GLIS3: variants seen among roughly 807,000 people sequenced by gnomAD.
GLIS3 encodes the protein GLIS family zinc finger 3, also known as zinc finger protein GLIS3.
A neutral mutation model predicts 78.6 loss-of-function variants in GLIS3; 53 were observed. The ratio of observed to expected loss-of-function variants is 0.67; its 90% CI spans 0.54 to 0.85. GLIS3 has a LOEUF of 0.85. Ranked by LOEUF, GLIS3 falls within the 40% of genes least tolerant of loss-of-function variation. The pLI is 0.00. For synonymous variants in GLIS3, 684 were observed against 509.9 expected, an observed-to-expected ratio of 1.34 and a Z score of -4.60; for missense variants, 1,703 against 1,231.1, an observed-to-expected ratio of 1.38 and a Z score of -5.74.
intron 7 of GLIS3, among the ~76,000 whole-genome samples, chr9:3,891,081 AG>A (rs67822391): frequency 0.16 from 21,860 of 139,936 alleles, 1,862 homozygotes; most frequent in Non-Finnish European, 0.18. Context: ...AAAAAAAAAA[AG>A]AAGAAGAAGA....
At chr9:4,295,199 G>C (rs929543207) in intron 1 of GLIS3, among the ~76,000 whole-genome samples, 1 of 151,912 alleles carries the variant, frequency 6.6e-6, no homozygotes, top group Non-Finnish European at 1.5e-5. Flanking sequence ...TTTTATTATG[G>C]GGGTTGCTGG....
chr9:4,286,330 T>C lies in GLIS3; in HGVS notation c.96A>G (p.Arg32=), dbSNP rs1238296407. The change falls in exon 2 of 11, where the codon CGA becomes CGG. Residue 32 remains arginine, a synonymous_variant. Transcript: ENST00000381971. ...AGGGGCCAGGAGTCCCGGAGTGGGC[T>C]CGGATGGCAGGAATGTGATGACCAC... ...MVSGHHIPAI[R]AHSGTPGPSP... 6.2e-7 allele frequency: 1 copy of C among 1,614,178 alleles called. No homozygotes were observed. Among genetic ancestry groups the C allele is most frequent in the East Asian group, 2.2e-5 (1 of 44,878 alleles).
At chr9:4,302,578 A>C (rs1178316817), upstream of GLIS3, among the ~76,000 whole-genome samples, 1 of 152,246 alleles carries the variant, frequency 6.6e-6, no homozygotes, top group Non-Finnish European at 1.5e-5. Flanking sequence ...CTAATTCTCA[A>C]ATCAAATGTA....
the GLIS3 span, among the ~76,000 whole-genome samples, chr9:4,455,529 G>A: frequency 2.0e-5 from 3 of 152,146 alleles, no homozygotes; most frequent in East Asian, 1.9e-4. Context: ...GTTATCCTGG[G>A]TGGATCATAT....
At chr9:4,464,243 C>T in the GLIS3 span, among the ~76,000 whole-genome samples, 1 of 152,056 alleles carries the variant, frequency 6.6e-6, no homozygotes, top group Non-Finnish European at 1.5e-5. Flanking sequence ...GAGTCTCCAA[C>T]AGGCAATGGT....
At chr9:3,899,516 T>C (rs1588178928) in intron 6 of GLIS3, among the ~76,000 whole-genome samples, 1 of 151,772 alleles carries the variant, frequency 6.6e-6, no homozygotes, top group Non-Finnish European at 1.5e-5. Context: ...TTAAGTGTAA[T>C]TGAAATGGAA....
intron 2 of GLIS3, among the ~76,000 whole-genome samples, chr9:4,187,313 C>T (rs1241209573): frequency 3.9e-5 from 6 of 152,052 alleles, no homozygotes; most frequent in Non-Finnish European, 8.8e-5. Flanking sequence ...TGTAGATATG[C>T]TGCGTTATTT....
rs16920144 is a variant in GLIS3, at chr9:3,958,783, G to T, written c.1711-21594C>A. ...ACTGTAAATCTGGGATACTATACAG[G>T]TGGGTGTCAAAGTATAAATAGGAGT... On this transcript the variant is annotated intron_variant, in intron 4 of 10. Transcript: ENST00000381971. Among the ~76,000 whole-genome samples the T allele has an allele frequency of 1.2e-3, 190 of 152,302 alleles. 1 individual carries two copies. The highest frequency in any genetic ancestry group is 4.4e-3 in the African/African-American group (182 of 41,574).
At chr9:4,417,187 T>C in the GLIS3 span, among the ~76,000 whole-genome samples, 1 of 152,186 alleles carries the variant, frequency 6.6e-6, no homozygotes. Flanking sequence ...CGATTATTTA[T>C]ATAGTGATTT....
intron 4 of GLIS3, among the ~76,000 whole-genome samples, chr9:4,115,382 C>A (rs893776685): frequency 4.6e-5 from 7 of 152,072 alleles, no homozygotes; most frequent in Non-Finnish European, 8.8e-5. Flanking sequence ...TGTCAAGGAT[C>A]GTGAGCTTTC....
chr9:4,254,995 T>G (rs1332950939), intron 2 of GLIS3, among the ~76,000 whole-genome samples: 1 of 151,062 alleles, frequency 6.6e-6, no homozygotes, highest in Admixed American at 6.6e-5. Context: ...CCAAAATATA[T>G]AAGGAACTCT....
At chr9:4,146,594 A>C (rs1325458397) in intron 2 of GLIS3, among the ~76,000 whole-genome samples, 1 of 152,196 alleles carries the variant, frequency 6.6e-6, no homozygotes, top group African/African-American at 2.4e-5. Flanking sequence ...AAAGAATAAA[A>C]GTCTTATCAA....
intron 4 of GLIS3, among the ~76,000 whole-genome samples, chr9:4,040,666 T>A (rs995277602): frequency 1.3e-5 from 2 of 152,040 alleles, no homozygotes; most frequent in African/African-American, 4.8e-5. Flanking sequence ...AAAGACAGAG[T>A]TTCTTCAGTG....
chr9:4,182,495 G>A (rs551116025), intron 2 of GLIS3, among the ~76,000 whole-genome samples: 3 of 152,318 alleles, frequency 2.0e-5, no homozygotes, highest in African/African-American at 7.2e-5. Context: ...ATCAGTGACA[G>A]TATAGGGCAG....
intron 8 of GLIS3, among the ~76,000 whole-genome samples, chr9:3,874,020 A>G (rs13300011): frequency 0.029 from 4,437 of 152,354 alleles, 91 homozygotes; most frequent in Non-Finnish European, 0.047. Context: ...TTCCTGGCAT[A>G]CAACTTCTGA....
At chr9:4,234,298 G>C (rs1822523119) in intron 2 of GLIS3, among the ~76,000 whole-genome samples, 1 of 152,190 alleles carries the variant, frequency 6.6e-6, no homozygotes, top group Non-Finnish European at 1.5e-5. Context: ...GAGTTAAAGT[G>C]AGATATGTGC....
At chr9:3,888,127 C>G (rs1822198741) in intron 7 of GLIS3, among the ~76,000 whole-genome samples, 1 of 152,018 alleles carries the variant, frequency 6.6e-6, no homozygotes. Context: ...AGTGGGAAGG[C>G]AGAAAAAAAG....
chr9:3,833,055 A>T (rs1489489237), intron 9 of GLIS3, among the ~76,000 whole-genome samples: 1 of 152,202 alleles, frequency 6.6e-6, no homozygotes, highest in Non-Finnish European at 1.5e-5. Context: ...GGCAAAATAC[A>T]CCTAGAAAAG....
intron 4 of GLIS3, among the ~76,000 whole-genome samples, chr9:4,026,276 G>A (rs1029295919): frequency 6.6e-6 from 1 of 152,128 alleles, no homozygotes. Flanking sequence ...CTACAGACCA[G>A]TCTCAATCAT....
Sources: gnomAD v4.1 joint callset for allele counts (sites outside exome capture counted in the v4.1 genomes callset) on GRCh38, gnomAD v4.1.1 for gene constraint, MANE v1.5 for transcripts, NCBI Gene and HGNC (gene_info 2026-07-23, HGNC 2026-07-21) for gene names.